DLGAP1: variants seen among roughly 807,000 people sequenced by gnomAD.
The protein encoded by DLGAP1 is DLG associated protein 1, also known as disks large-associated protein 1.
DLGAP1 carries 11 observed loss-of-function variants against 90.8 expected under a neutral mutation model. The ratio of observed to expected loss-of-function variants is 0.12; its 90% CI spans 0.08 to 0.20. DLGAP1 has a LOEUF of 0.20. Among genes scored for constraint, DLGAP1 ranks in the 10% least tolerant of loss-of-function variants. DLGAP1 has a pLI of 1.00. For synonymous variants in DLGAP1, 558 were observed against 540.7 expected, an observed-to-expected ratio of 1.03 and a Z score of -0.44; for missense variants, 1,050 against 1,333.8, an observed-to-expected ratio of 0.79 and a Z score of 3.31.
chr18:4,087,161 T>C (rs188565432), intron 2 of DLGAP1, among the ~76,000 whole-genome samples: 1 of 150,708 alleles, frequency 6.6e-6, no homozygotes, highest in East Asian at 1.9e-4. Context: ...AAGAAGGTTG[T>C]TTCTGCCAAA....
intron 12 of DLGAP1, among the ~76,000 whole-genome samples, chr18:3,500,632 C>T (rs2049880907): frequency 6.6e-6 from 1 of 152,166 alleles, no homozygotes; most frequent in Non-Finnish European, 1.5e-5. Context: ...TATATTCTCC[C>T]AACTCTGATT....
chr18:3,535,600 T>C (rs187723741), intron 9 of DLGAP1, among the ~76,000 whole-genome samples: 2,739 of 150,798 alleles, frequency 0.018, 52 homozygotes, highest in African/African-American at 0.047. Flanking sequence ...CCCAGCTACT[T>C]GGGAGGCTGA....
chr18:3,502,321 C>T, intron 12 of DLGAP1, 172 bp downstream of exon 12: 1 of 1,372,986 alleles, frequency 7.3e-7, no homozygotes, highest in Non-Finnish European at 9.4e-7. Context: ...AAACATATTA[C>T]AGATAATATC....
chr18:3,799,102 C>A (rs189416270), intron 5 of DLGAP1, among the ~76,000 whole-genome samples: 129 of 152,284 alleles, frequency 8.5e-4, no homozygotes, highest in African/African-American at 3.1e-3. Flanking sequence ...GTCTTGAACT[C>A]CTGACCTCGT....
intron 1 of DLGAP1, among the ~76,000 whole-genome samples, chr18:4,286,445 C>T (rs1054146816): frequency 6.6e-6 from 1 of 152,050 alleles, no homozygotes; most frequent in Non-Finnish European, 1.5e-5. Flanking sequence ...ATTTCAAGCA[C>T]GGAGGATGAC....
At chr18:3,881,010 C>A (rs1053375005) in intron 3 of DLGAP1, among the ~76,000 whole-genome samples, 16 of 142,138 alleles carry the variant, frequency 1.1e-4, no homozygotes, top group South Asian at 6.9e-4. Context: ...TAAAAAAAAA[C>A]CAAATTGTTT....
At chr18:3,518,258 G>A (rs1717032456) in intron 10 of DLGAP1, among the ~76,000 whole-genome samples, 7 of 152,158 alleles carry the variant, frequency 4.6e-5, no homozygotes, top group Admixed American at 4.6e-4. Flanking sequence ...CAGGTCGGTG[G>A]AGCAGTCAGA....
At chr18:3,963,277 C>T (rs1312083017) in intron 3 of DLGAP1, among the ~76,000 whole-genome samples, 6 of 13,552 alleles carry the variant, frequency 4.4e-4, no homozygotes, top group African/African-American at 9.2e-4. Context: ...TCATTGCCCC[C>T]CTCACCCCCC....
intron 4 of DLGAP1, chr18:3,878,160 T>TC: frequency 7.9e-6 from 1 of 125,798 alleles, no homozygotes; most frequent in African/African-American, 2.8e-5. Context: ...TATAGCTCAG[T>TC]AATTTTTTTT....
chr18:4,242,211 A>G (rs2078551418), intron 1 of DLGAP1, among the ~76,000 whole-genome samples: 1 of 152,166 alleles, frequency 6.6e-6, no homozygotes, highest in African/African-American at 2.4e-5. Context: ...GGAAGATTAT[A>G]GCTTTCTCCC....
intron 5 of DLGAP1, among the ~76,000 whole-genome samples, chr18:3,785,448 T>C (rs186764261): frequency 0.012 from 1,845 of 152,264 alleles, 18 homozygotes; most frequent in Non-Finnish European, 0.015. Context: ...GTGCATAGCA[T>C]GGGAGAATTG....
intron 3 of DLGAP1, among the ~76,000 whole-genome samples, chr18:3,966,831 T>A (rs1481853733): frequency 6.6e-6 from 1 of 152,086 alleles, no homozygotes; most frequent in Non-Finnish European, 1.5e-5. Flanking sequence ...GAGCTAGAGA[T>A]AACAGATTTG....
chr18:3,527,078 C>G (rs1389345119), intron 10 of DLGAP1, among the ~76,000 whole-genome samples: 1 of 152,072 alleles, frequency 6.6e-6, no homozygotes, highest in Non-Finnish European at 1.5e-5. Context: ...AAAACAGTAA[C>G]TCCAGGCACC....
At chr18:3,555,793 G>A (rs2053716968) in intron 9 of DLGAP1, among the ~76,000 whole-genome samples, 1 of 152,012 alleles carries the variant, frequency 6.6e-6, no homozygotes, top group Admixed American at 6.6e-5. Context: ...CTGGGCAACA[G>A]GAGCGAAACT....
intron 7 of DLGAP1, among the ~76,000 whole-genome samples, chr18:3,676,182 G>C (rs1177843902): frequency 1.3e-5 from 2 of 152,198 alleles, no homozygotes; most frequent in African/African-American, 4.8e-5. Flanking sequence ...GTACAGCAAG[G>C]AGCAGACAAG....
At chr18:4,350,913 T>G (rs1323402267) in intron 1 of DLGAP1, among the ~76,000 whole-genome samples, 1 of 152,080 alleles carries the variant, frequency 6.6e-6, no homozygotes, top group Non-Finnish European at 1.5e-5. Flanking sequence ...CCAGGAGACT[T>G]TGGAATTAAT....
Position 3,534,257 on chromosome 18 carries a change from G to A in DLGAP1, c.2416C>T (p.Arg806Cys), listed in dbSNP as rs753851747. ...FLKLLQAERDRMEGWCQQMER... is the reference protein window; with the variant it reads ...FLKLLQAERDCMEGWCQQMER... The stretch of plus-strand genomic sequence containing the variant: ...ATCTGTTGACACCACCCCTCCATGC[G>A]GTCTCGCTCTGCCTGGAGAAGCTTC... Residue 806 changes from arginine (R) to cysteine (C), a missense_variant, in exon 10 of 13, where the codon CGC (arginine) becomes TGC (cysteine). By Grantham distance (180) the Arg-to-Cys change is radical. Around this residue, in one of 2 missense-constraint regions of DLGAP1, gnomAD observed 565 missense variants for 879.7 expected, o/e 0.64. Transcript: ENST00000315677. 2 of 1,614,074 alleles carry A rather than the reference G, an allele frequency of 1.2e-6. No individual in the cohort carries two copies. The highest frequency in any genetic ancestry group is 1.7e-6 in the Non-Finnish European group (2 of 1,180,048).
chr18:3,604,585 C>G (rs118038172), intron 7 of DLGAP1, among the ~76,000 whole-genome samples: 184 of 152,254 alleles, frequency 1.2e-3, no homozygotes, highest in Non-Finnish European at 2.0e-3. Context: ...CGAGTTCAAG[C>G]CAAAACTCAG....
At chr18:3,794,112 C>T (rs756688802) in intron 5 of DLGAP1, among the ~76,000 whole-genome samples, 5 of 152,134 alleles carry the variant, frequency 3.3e-5, no homozygotes, top group Non-Finnish European at 5.9e-5. Flanking sequence ...TGCTTCATTC[C>T]TAACTCTGCA....
Sources: gnomAD v4.1 joint callset for allele counts (sites outside exome capture counted in the v4.1 genomes callset) on GRCh38, gnomAD v4.1.1 for gene constraint, gnomAD v4.1.1 regional missense constraint, MANE v1.5 for transcripts, NCBI Gene and HGNC (gene_info 2026-07-23, HGNC 2026-07-21) for gene names.